The following VPS13B variants were observed in gnomAD, a reference collection of about 807,000 sequenced individuals.
VPS13B encodes the protein vacuolar protein sorting 13 homolog B.
Under a neutral mutation model 426.4 loss-of-function variants are expected in VPS13B, and 285 were observed. That is an observed-to-expected ratio of 0.67 (90% CI 0.61 to 0.74). VPS13B has a LOEUF of 0.74. Among genes scored for constraint, VPS13B ranks in the 30% least tolerant of loss-of-function variants. The pLI, the probability that VPS13B is intolerant of heterozygous loss-of-function variation, is 0.00. For synonymous variants in VPS13B, 1,676 were observed against 1,676.4 expected (o/e 1.00, Z 0.01); for missense variants, 4,537 against 4,782.6 (o/e 0.95, Z 1.51).
intron 35 of VPS13B, among the ~76,000 whole-genome samples, chr8:99,665,936 T>C (rs912459874): frequency 4.6e-5 from 7 of 152,206 alleles, no homozygotes; most frequent in African/African-American, 7.2e-5. Flanking sequence ...CGATATTGAT[T>C]CTTCCTACCC....
Position 99,776,958 on chromosome 8 carries a change from T to A in VPS13B, c.7429+2T>A. 1 of 1,613,744 alleles carries A rather than the reference T, an allele frequency of 6.2e-7. No individual in the cohort carries two copies. The highest frequency in any genetic ancestry group is 8.5e-7 in the Non-Finnish European group (1 of 1,179,656). On this transcript the variant is annotated splice_donor_variant, in intron 41 of 61. Transcript: ENST00000357162. LOFTEE classifies it high-confidence loss of function. ...ATCACCTTGACCAACTAGGCACAGG[T>A]ACTCTTTTTTTTAGCATCAGAATAA...
Position 99,170,299 on chromosome 8 carries a change from T to A in VPS13B, c.2333+136T>A. The A allele has an allele frequency of 2.8e-6, 3 of 1,083,510 alleles. No individual in the cohort carries two copies. The Admixed American group carries it at 6.9e-5, about 25-fold the overall frequency. 67.1% of individuals were successfully genotyped at this position (1,083,510 alleles called of 1,614,324 possible). On this transcript the variant is annotated intron_variant, in intron 16 of 61. Transcript: ENST00000357162. ...GAAAAAAAATCTAAACTTGTACTTT[T>A]ACTGAGACACTAAAAGTCTTTTTTA...
At chr8:99,583,825 C>T (rs1343260345) in intron 33 of VPS13B, among the ~76,000 whole-genome samples, 1 of 152,044 alleles carries the variant, frequency 6.6e-6, no homozygotes, top group Admixed American at 6.6e-5. Context: ...AGAGAGGAAA[C>T]TGAGACTGGC....
At chr8:99,817,309 A>G (rs1285629490) in intron 44 of VPS13B, among the ~76,000 whole-genome samples, 3 of 151,884 alleles carry the variant, frequency 2.0e-5, no homozygotes, top group African/African-American at 7.3e-5. Flanking sequence ...CAGCATTTCT[A>G]ATTGAGTACT....
intron 43 of VPS13B, among the ~76,000 whole-genome samples, chr8:99,786,807 A>T (rs1812293627): frequency 6.6e-6 from 1 of 152,256 alleles, no homozygotes; most frequent in East Asian, 1.9e-4. Context: ...TGCTAATGTA[A>T]GTGGGTTTTA....
chr8:99,737,646 G>A (rs2130448304), intron 39 of VPS13B, among the ~76,000 whole-genome samples: 1 of 152,300 alleles, frequency 6.6e-6, no homozygotes, highest in African/African-American at 2.4e-5. Context: ...CCAAAAGCGT[G>A]TATCAGACAG....
intron 17 of VPS13B, among the ~76,000 whole-genome samples, chr8:99,265,421 T>G (rs1818245595): frequency 6.6e-6 from 1 of 152,218 alleles, no homozygotes; most frequent in African/African-American, 2.4e-5. Flanking sequence ...TCTTGAGGTT[T>G]CTAAGCCTGG....
intron 23 of VPS13B, 104 bp downstream of exon 23, chr8:99,442,739 A>C (rs757432566): frequency 8.2e-6 from 10 of 1,214,628 alleles, no homozygotes; most frequent in East Asian, 2.5e-5. Flanking sequence ...CAGTCTTCTC[A>C]TTGAAAGATT....
At chr8:99,660,357 C>A (rs1426099833) in intron 34 of VPS13B, among the ~76,000 whole-genome samples, 2 of 152,096 alleles carry the variant, frequency 1.3e-5, no homozygotes, top group African/African-American at 2.4e-5. Context: ...AAATACTATT[C>A]TTGAAAGCAA....
intron 3 of VPS13B, among the ~76,000 whole-genome samples, chr8:99,081,763 C>T (rs1845475953): frequency 6.6e-6 from 1 of 152,042 alleles, no homozygotes; most frequent in South Asian, 2.1e-4. Context: ...TTTCCAACTT[C>T]ATCCATGTCC....
At chr8:99,773,871 C>G (rs1288101139) in intron 40 of VPS13B, among the ~76,000 whole-genome samples, 1 of 151,996 alleles carries the variant, frequency 6.6e-6, no homozygotes, top group Admixed American at 6.5e-5. Context: ...TTTTACTTTT[C>G]TTTTTCTGCT....
intron 19 of VPS13B, among the ~76,000 whole-genome samples, chr8:99,377,997 A>T (rs765899553): frequency 6.6e-6 from 1 of 152,136 alleles, no homozygotes; most frequent in Non-Finnish European, 1.5e-5. Flanking sequence ...AAGAGGAGAG[A>T]ACCAGTCTGA....
Position 99,835,568 on chromosome 8 carries a change from A to C in VPS13B, c.9772A>C (p.Lys3258Gln). 1 of 1,614,186 alleles carries C rather than the reference A, an allele frequency of 6.2e-7. No individual in the cohort carries two copies. Among genetic ancestry groups the C allele is most frequent in the Non-Finnish European group, 8.5e-7 (1 of 1,180,028 alleles). Residue 3258 changes from lysine (K) to glutamine (Q), a missense_variant, in exon 54 of 62, where the codon AAA becomes CAA. By Grantham distance (53) the Lys-to-Gln change is moderately conservative. This residue lies in a region of VPS13B where 4,311 missense variants were observed against 4,474.3 expected (regional missense o/e 0.96). Transcript: ENST00000357162. ...TCCAAAGTTTGAGGTTTATTGCAAA[A>C]AAATTCCCTCCGAGTGCTCAATTCA... ...DIPKFEVYCKKIPSECSIHHE... is the reference protein window; with the variant it reads ...DIPKFEVYCKQIPSECSIHHE...
chr8:99,799,684 A>T (rs1420632554), intron 43 of VPS13B, among the ~76,000 whole-genome samples: 1 of 152,240 alleles, frequency 6.6e-6, no homozygotes, highest in Non-Finnish European at 1.5e-5. Context: ...AATGAAGTTT[A>T]TGTAAAAATC....
intron 29 of VPS13B, among the ~76,000 whole-genome samples, chr8:99,516,898 T>C (rs1318764639): frequency 6.6e-6 from 1 of 150,474 alleles, no homozygotes; most frequent in Non-Finnish European, 1.5e-5. Context: ...AACTTTATTA[T>C]AAAAATATCA....
intron 43 of VPS13B, among the ~76,000 whole-genome samples, chr8:99,800,465 A>G (rs927726064): frequency 2.0e-5 from 3 of 152,180 alleles, no homozygotes; most frequent in African/African-American, 7.2e-5. Flanking sequence ...CTGTATTTAT[A>G]TCTGATTTCA....
At chr8:99,416,541 G>A (rs1157042793) in intron 21 of VPS13B, among the ~76,000 whole-genome samples, 1 of 152,194 alleles carries the variant, frequency 6.6e-6, no homozygotes, top group Non-Finnish European at 1.5e-5. Context: ...CCAGGGCCCT[G>A]TTGGCATAGG....
chr8:99,639,319 G>A (rs571179434), intron 33 of VPS13B, among the ~76,000 whole-genome samples: 2 of 152,214 alleles, frequency 1.3e-5, no homozygotes, highest in Non-Finnish European at 2.9e-5. Context: ...AAGGAAAAGA[G>A]TGAGAGAACA....
At chr8:99,565,902 T>C (rs1222143553) in intron 31 of VPS13B, among the ~76,000 whole-genome samples, 2 of 152,198 alleles carry the variant, frequency 1.3e-5, no homozygotes, top group Admixed American at 1.3e-4. Flanking sequence ...ATTCTCATAC[T>C]TTGTAGGTTA....
Sources: allele counts gnomAD v4.1 joint callset (sites outside exome capture counted in the v4.1 genomes callset), GRCh38; gene constraint gnomAD v4.1.1; regional missense constraint gnomAD v4.1.1; transcripts MANE v1.5; gene names NCBI Gene and HGNC (gene_info 2026-07-23, HGNC 2026-07-21).